The following CHD7 variants were observed in gnomAD, a reference collection of about 807,000 sequenced individuals.
CHD7 encodes ATP-dependent chromatin remodeler CHD7.
CHD7 carries 24 observed loss-of-function variants against 307.3 expected under a neutral mutation model. The ratio of observed to expected loss-of-function variants is 0.08; its 90% CI spans 0.06 to 0.11. CHD7 has a LOEUF of 0.11. Among genes scored for constraint, CHD7 ranks in the 10% least tolerant of loss-of-function variants. CHD7 has a pLI of 1.00. For missense variants in CHD7, 3,106 were observed against 3,727.1 expected (o/e 0.83, Z 4.34); for synonymous variants, 1,363 against 1,349.9 (o/e 1.01, Z -0.21).
intron 1 of CHD7, among the ~76,000 whole-genome samples, chr8:60,708,367 T>C (rs929984791): frequency 1.3e-5 from 2 of 152,194 alleles, no homozygotes; most frequent in Admixed American, 6.5e-5. Flanking sequence ...TCTGTAGATT[T>C]TATCTCCCCT....
intron 25 of CHD7, 69 bp downstream of exon 25, chr8:60,849,223 A>T: frequency 1.1e-6 from 1 of 941,894 alleles, no homozygotes; most frequent in Non-Finnish European, 1.7e-6. Context: ...CTCTTTACAT[A>T]CTCTTTTCCA....
intron 2 of CHD7, among the ~76,000 whole-genome samples, chr8:60,773,172 G>T (rs1489590025): frequency 6.6e-6 from 1 of 152,218 alleles, no homozygotes; most frequent in Non-Finnish European, 1.5e-5. Context: ...CCCTCTGCTT[G>T]TGGCCTGGGA....
At chr8:60,773,144 G>A (rs1810791786) in intron 2 of CHD7, among the ~76,000 whole-genome samples, 1 of 152,036 alleles carries the variant, frequency 6.6e-6, no homozygotes, top group African/African-American at 2.4e-5. Context: ...GGGCAGGCCT[G>A]CTGCCTCAGG....
intron 1 of CHD7, among the ~76,000 whole-genome samples, chr8:60,690,571 C>G (rs1208119790): frequency 6.6e-6 from 1 of 152,148 alleles, no homozygotes; most frequent in East Asian, 1.9e-4. Context: ...TGAGAGCCTT[C>G]CATTTAGCTG....
intron 1 of CHD7, among the ~76,000 whole-genome samples, chr8:60,725,540 A>G (rs967752147): frequency 6.6e-6 from 1 of 152,196 alleles, no homozygotes; most frequent in Admixed American, 6.5e-5. Context: ...TATTGTTGGA[A>G]AAGGAAATTA....
chr8:60,816,353 T>C (rs1489578772), intron 7 of CHD7, 34 bp from the exon 8 acceptor site: 1 of 1,115,330 alleles, frequency 9.0e-7, no homozygotes, highest in South Asian at 1.4e-5. Flanking sequence ...AATTATATTC[T>C]ACATATTTCA....
chr8:60,852,366 C>T, intron 29 of CHD7, 119 bp downstream of exon 29: 1 of 1,288,572 alleles, frequency 7.8e-7, no homozygotes, highest in Non-Finnish European at 1.1e-6. Context: ...AAGGCTCGCT[C>T]CAACAAAGCA....
chr8:60,733,917 T>A (rs986616439), intron 1 of CHD7, among the ~76,000 whole-genome samples: 1 of 152,206 alleles, frequency 6.6e-6, no homozygotes, highest in Non-Finnish European at 1.5e-5. Flanking sequence ...TTAACTGCAT[T>A]TTTTTGACTT....
chr8:60,850,606 G>A lies in CHD7; in HGVS notation c.5518G>A (p.Ala1840Thr). The change falls in exon 26 of 38, where the codon GCA (alanine) becomes ACA (threonine). Residue 1840 changes from alanine to threonine, a missense_variant. Transcript: ENST00000423902. ...CGAGCAAAGAGGAACAGACATGCTA[G>A]CAGATGGTGGTGACGGGTAAGAAGG... ...AAEQRGTDML[A>T]DGGDGGEFDR... 6.2e-7 allele frequency: 1 copy of A among 1,612,418 alleles called. No homozygotes were observed. Among genetic ancestry groups the A allele is most frequent in the Non-Finnish European group, 8.5e-7 (1 of 1,179,150 alleles).
At chr8:60,745,329 T>C (rs1209842416) in intron 2 of CHD7, among the ~76,000 whole-genome samples, 1 of 152,206 alleles carries the variant, frequency 6.6e-6, no homozygotes, top group Non-Finnish European at 1.5e-5. Flanking sequence ...CCTGTGATTA[T>C]AATCTGATCC....
rs113958504 is a variant in CHD7 at position 60,678,877 on chromosome 8, C to T, written c.-380C>T. ...GGGAACTATCGGATTAAACTTGAAT[C>T]GAGTGAAATTACACAAAGGAGCGCC... On this transcript the variant is annotated 5_prime_UTR_variant, in exon 1 of 38. Coordinates refer to ENST00000423902, the MANE Select transcript of CHD7 (RefSeq NM_017780.4). 0.11 allele frequency: 17,033 copies of T among 150,674 alleles called. 1,329 individuals carry two copies. Among genetic ancestry groups the T allele is most frequent in the East Asian group, 0.31 (1,529 of 4,956 alleles). The allele number at this position is 150,674 out of a possible 1,614,324, so 9.3% of individuals were successfully genotyped here. A position where few individuals can be genotyped will look rare whatever the true frequency, so the allele number is the denominator to read the frequency against.
Position 60,830,177 on chromosome 8 carries a change from G to A in CHD7, c.3523-145G>A, listed in dbSNP as rs997261298. 3 of 788,642 alleles carry A rather than the reference G, an allele frequency of 3.8e-6. No individual in the cohort carries two copies. The African/African-American group carries it at 5.3e-5, about 14-fold the overall frequency. The allele number at this position is 788,642 out of a possible 1,614,324, so 48.9% of individuals were successfully genotyped here. On this transcript the variant is annotated intron_variant, in intron 14 of 37. Transcript: ENST00000423902. The stretch of plus-strand genomic sequence containing the variant: ...TGCACTGCTCTTATGAAAGCTGAGA[G>A]ATGAGCTCCTTCATACTCTCACTGG...
intron 6 of CHD7, among the ~76,000 whole-genome samples, chr8:60,807,692 C>T (rs1211242780): frequency 6.6e-6 from 1 of 152,204 alleles, no homozygotes. Flanking sequence ...ACTGAAATTA[C>T]AGCATAAGAA....
At chr8:60,785,700 T>A (rs945687656) in intron 3 of CHD7, among the ~76,000 whole-genome samples, 3 of 152,220 alleles carry the variant, frequency 2.0e-5, no homozygotes, top group Non-Finnish European at 2.9e-5. Context: ...TTAATAGAGA[T>A]TAGGCACAAA....
intron 23 of CHD7, among the ~76,000 whole-genome samples, chr8:60,847,416 C>T (rs1586435240): frequency 6.6e-6 from 1 of 152,206 alleles, no homozygotes; most frequent in African/African-American, 2.4e-5. Flanking sequence ...CATCAGTTTT[C>T]CCATTTGAAA....
At chr8:60,863,258 C>G (rs1195857882) in intron 37 of CHD7, 1 of 152,308 alleles carries the variant, frequency 6.6e-6, no homozygotes, top group Non-Finnish European at 1.5e-5. Flanking sequence ...TCCCCGACCC[C>G]AGCCCCTGGC....
intron 2 of CHD7, among the ~76,000 whole-genome samples, chr8:60,765,506 G>A (rs1343560413): frequency 6.6e-6 from 1 of 152,182 alleles, no homozygotes; most frequent in Non-Finnish European, 1.5e-5. Flanking sequence ...CTTGGGAAGA[G>A]GTTATATTTA....
At chr8:60,768,283 TA>T (rs1349398934) in intron 2 of CHD7, among the ~76,000 whole-genome samples, 1 of 152,222 alleles carries the variant, frequency 6.6e-6, no homozygotes, top group African/African-American at 2.4e-5. Flanking sequence ...GAAGAGACTT[TA>T]TAGAGATCAG....
At chr8:60,768,000 A>G (rs1304900905) in intron 2 of CHD7, among the ~76,000 whole-genome samples, 1 of 152,154 alleles carries the variant, frequency 6.6e-6, no homozygotes, top group African/African-American at 2.4e-5. Context: ...AAGTTTTTTT[A>G]TGGGAAAAGT....
Sources: gnomAD v4.1 joint callset for allele counts (sites outside exome capture counted in the v4.1 genomes callset) on GRCh38, gnomAD v4.1.1 for gene constraint, MANE v1.5 for transcripts, NCBI Gene and HGNC (gene_info 2026-07-23, HGNC 2026-07-21) for gene names.